Variants in AFG2A observed in about 807,000 individuals in gnomAD.
The protein encoded by AFG2A is AAA ATPase AFG2A, also known as ATPase family gene 2 protein homolog A.
At chr4:123,159,910 A>AT in the AFG2A span, among the ~76,000 whole-genome samples, 1 of 152,196 alleles carries the variant, frequency 6.6e-6, no homozygotes, top group Non-Finnish European at 1.5e-5. Context: ...TTTCAGCTTT[A>AT]TTTTTTAGGC....
the AFG2A span, among the ~76,000 whole-genome samples, chr4:122,970,041 A>C: frequency 6.6e-6 from 1 of 152,124 alleles, no homozygotes. Flanking sequence ...TATTATTTTT[A>C]AATTTGGTGT....
At chr4:123,287,995 A>G in the AFG2A span, among the ~76,000 whole-genome samples, 3 of 152,162 alleles carry the variant, frequency 2.0e-5, no homozygotes, top group Non-Finnish European at 4.4e-5. Context: ...CAGGAAGCCA[A>G]TGTCACTGGA....
the AFG2A span, among the ~76,000 whole-genome samples, chr4:123,204,234 C>G: frequency 6.6e-6 from 1 of 152,140 alleles, no homozygotes; most frequent in Non-Finnish European, 1.5e-5. Flanking sequence ...ATATGAACAT[C>G]TAGGGGTTGG....
At chr4:123,040,520 A>G in the AFG2A span, among the ~76,000 whole-genome samples, 1 of 152,140 alleles carries the variant, frequency 6.6e-6, no homozygotes, top group African/African-American at 2.4e-5. Flanking sequence ...CTGGCTCTTT[A>G]TATTTCGTCT....
At chr4:122,959,295 C>G in the AFG2A span, among the ~76,000 whole-genome samples, 1 of 152,172 alleles carries the variant, frequency 6.6e-6, no homozygotes, top group African/African-American at 2.4e-5. Flanking sequence ...CTCTTCCAAA[C>G]TATCATTTAA....
the AFG2A span, among the ~76,000 whole-genome samples, chr4:122,935,381 G>A: frequency 7.2e-3 from 1,097 of 152,142 alleles, 8 homozygotes; most frequent in Non-Finnish European, 0.012. Flanking sequence ...ACTGGGATTG[G>A]TGGCTTGTCT....
chr4:123,022,820 T>C, the AFG2A span, among the ~76,000 whole-genome samples: 6,161 of 151,882 alleles, frequency 0.041, 400 homozygotes, highest in African/African-American at 0.14. Context: ...ATTAAGAAAA[T>C]GTGGCACATA....
At chr4:123,177,338 A>G in the AFG2A span, among the ~76,000 whole-genome samples, 123,343 of 151,706 alleles carry the variant, frequency 0.81, 50,674 homozygotes, top group Non-Finnish European at 0.86. Context: ...GACTACAGGC[A>G]TGCACCACCA....
the AFG2A span, among the ~76,000 whole-genome samples, chr4:123,047,397 A>AT: frequency 0.89 from 134,961 of 151,928 alleles, 60,507 homozygotes; most frequent in East Asian, 0.97. Context: ...TCTTTTGCGC[A>AT]TTTTTTTATT....
At chr4:122,962,359 CTG>C in the AFG2A span, among the ~76,000 whole-genome samples, 1 of 152,138 alleles carries the variant, frequency 6.6e-6, no homozygotes, top group African/African-American at 2.4e-5. Context: ...ATTTTCTCCT[CTG>C]TTTTATAATT....
the AFG2A span, among the ~76,000 whole-genome samples, chr4:123,242,101 C>A: frequency 6.6e-6 from 1 of 152,134 alleles, no homozygotes; most frequent in Non-Finnish European, 1.5e-5. Context: ...AGGAGAACTA[C>A]AAGCCACTGC....
the AFG2A span, among the ~76,000 whole-genome samples, chr4:123,269,526 T>C: frequency 6.6e-6 from 1 of 152,248 alleles, no homozygotes; most frequent in Admixed American, 6.5e-5. Flanking sequence ...TTTGCACCTA[T>C]CTGAATATAT....
At chr4:123,124,497 G>A in the AFG2A span, among the ~76,000 whole-genome samples, 1 of 152,082 alleles carries the variant, frequency 6.6e-6, no homozygotes, top group Non-Finnish European at 1.5e-5. Context: ...GTGGGGTGTG[G>A]GGAGAGGGGA....
At chr4:123,155,405 CCTTT>C in the AFG2A span, among the ~76,000 whole-genome samples, 3 of 151,936 alleles carry the variant, frequency 2.0e-5, no homozygotes, top group African/African-American at 7.3e-5. Flanking sequence ...TTTTTTTTCT[CCTTT>C]CTTCTCATTG....
the AFG2A span, among the ~76,000 whole-genome samples, chr4:123,238,885 C>T: frequency 2.1e-4 from 32 of 152,246 alleles, no homozygotes; most frequent in African/African-American, 7.5e-4. Context: ...TAACAAACTT[C>T]TCCAAGCTAA....
chr4:122,938,773 T>C, the AFG2A span, among the ~76,000 whole-genome samples: 1 of 151,720 alleles, frequency 6.6e-6, no homozygotes, highest in African/African-American at 2.4e-5. Flanking sequence ...TTTTAAATCT[T>C]CTTAGTAGAG....
chr4:123,281,738 A>G, the AFG2A span, among the ~76,000 whole-genome samples: 1 of 152,180 alleles, frequency 6.6e-6, no homozygotes, highest in East Asian at 1.9e-4. Context: ...AAGTCCAGAC[A>G]ATGGAAGATT....
the AFG2A span, among the ~76,000 whole-genome samples, chr4:122,945,677 C>G: frequency 1.3e-5 from 2 of 152,204 alleles, no homozygotes; most frequent in African/African-American, 4.8e-5. Flanking sequence ...TTCTGGCACT[C>G]CCTAGTGAGA....
chr4:122,928,012 T>G, the AFG2A span, among the ~76,000 whole-genome samples: 117 of 152,326 alleles, frequency 7.7e-4, no homozygotes, highest in African/African-American at 2.5e-3. Flanking sequence ...TGTTTCTGAT[T>G]TTAATTTTCA....
Sources: gnomAD v4.1 joint callset for allele counts (sites outside exome capture counted in the v4.1 genomes callset) on GRCh38, gnomAD v4.1.1 for gene constraint, MANE v1.5 for transcripts, NCBI Gene and HGNC (gene_info 2026-07-23, HGNC 2026-07-21) for gene names.